Variants in PPP6R2 observed in about 807,000 individuals in gnomAD.
The protein encoded by PPP6R2 is serine/threonine-protein phosphatase 6 regulatory subunit 2.
In PPP6R2, 62 loss-of-function variants were observed where a neutral mutation model predicts 100.2. The observed-to-expected ratio is 0.62, with a 90% CI of 0.50 to 0.76. PPP6R2 has a LOEUF of 0.76. Among genes scored for constraint, PPP6R2 ranks in the 30% least tolerant of loss-of-function variants. The pLI, the probability that PPP6R2 is intolerant of heterozygous loss-of-function variation, is 0.00. For missense variants in PPP6R2, 1,142 were observed against 1,276.3 expected, an observed-to-expected ratio of 0.89 and a Z score of 1.60; for synonymous variants, 525 against 514.7, an observed-to-expected ratio of 1.02 and a Z score of -0.27.
At chr22:50,413,271 A>G (rs925484161) in intron 4 of PPP6R2, among the ~76,000 whole-genome samples, 1 of 151,922 alleles carries the variant, frequency 6.6e-6, no homozygotes, top group Admixed American at 6.6e-5. Context: ...CCAGATAAGT[A>G]TTTTTTTTCA....
chr22:50,395,135 A>G (rs1055414337), intron 3 of PPP6R2, among the ~76,000 whole-genome samples: 1 of 152,196 alleles, frequency 6.6e-6, no homozygotes, highest in African/African-American at 2.4e-5. Flanking sequence ...CAGGAGAGAT[A>G]TGCAGTATCT....
At chr22:50,420,434 C>CA (rs371261548) in intron 8 of PPP6R2, among the ~76,000 whole-genome samples, 1 of 152,304 alleles carries the variant, frequency 6.6e-6, no homozygotes, top group East Asian at 1.9e-4. Context: ...TGGGCAGAGA[C>CA]AGAGGAGTCA....
At chr22:50,398,577 G>A (rs1005791970) in intron 3 of PPP6R2, among the ~76,000 whole-genome samples, 8 of 148,560 alleles carry the variant, frequency 5.4e-5, no homozygotes, top group Admixed American at 2.7e-4. Flanking sequence ...GTGCAGTGGC[G>A]CGATCTTGGC....
intron 1 of PPP6R2, among the ~76,000 whole-genome samples, chr22:50,371,394 G>T (rs1173880556): frequency 1.3e-5 from 2 of 152,014 alleles, no homozygotes; most frequent in Admixed American, 6.6e-5. Flanking sequence ...GCTGAGGTTG[G>T]AAATGGAGCA....
At chr22:50,365,537 G>A (rs886838468) in intron 1 of PPP6R2, among the ~76,000 whole-genome samples, 2 of 151,774 alleles carry the variant, frequency 1.3e-5, no homozygotes, top group Non-Finnish European at 2.9e-5. Flanking sequence ...AAATTAGCCC[G>A]GCGTGGTGGC....
At position 50,400,578 on chromosome 22, in the gene PPP6R2, A is replaced by G. The variant is rs147653794; in HGVS notation, c.228-6111A>G. 4.4e-3 allele frequency among the ~76,000 whole-genome samples: 677 copies of G among 152,246 alleles called. 8 individuals carry two copies. Among genetic ancestry groups the G allele is most frequent in the African/African-American group, 0.015 (619 of 41,528 alleles). ...CTTTTCTAAGCCCTATTGTTTCTCA[A>G]TTTCCCAGTAATGTGGAATTATTCC... On this transcript the variant is annotated intron_variant, in intron 3 of 23. Transcript: ENST00000612753.
intron 1 of PPP6R2, among the ~76,000 whole-genome samples, chr22:50,360,968 T>A (rs147244337): frequency 2.6e-4 from 40 of 152,374 alleles, no homozygotes; most frequent in African/African-American, 9.4e-4. Flanking sequence ...TCTGGGCTAC[T>A]GTGGACAGTC....
intron 19 of PPP6R2, among the ~76,000 whole-genome samples, chr22:50,438,993 C>CG (rs977581355): frequency 3.3e-5 from 5 of 152,336 alleles, no homozygotes; most frequent in Admixed American, 1.3e-4. Context: ...CACTCAGCCA[C>CG]GTTGCCAAGG....
chr22:50,333,065 G>A, the PPP6R2 span, among the ~76,000 whole-genome samples: 3 of 152,158 alleles, frequency 2.0e-5, no homozygotes, highest in Admixed American at 6.5e-5. Context: ...CCTAAGCCCA[G>A]GAGGTGGAGA....
chr22:50,373,607 A>T (rs904502372), intron 2 of PPP6R2, among the ~76,000 whole-genome samples: 1 of 152,002 alleles, frequency 6.6e-6, no homozygotes, highest in Non-Finnish European at 1.5e-5. Flanking sequence ...GCTGGAGTGC[A>T]GTGGTGTGAT....
At chr22:50,435,313 A>T (rs1237628674) in intron 13 of PPP6R2, among the ~76,000 whole-genome samples, 1 of 152,210 alleles carries the variant, frequency 6.6e-6, no homozygotes, top group Non-Finnish European at 1.5e-5. Flanking sequence ...GCCAGGCGTC[A>T]GCGTGTGGCA....
chr22:50,432,503 C>T (rs553935021), intron 12 of PPP6R2, among the ~76,000 whole-genome samples, 174 bp downstream of exon 12: 7 of 152,096 alleles, frequency 4.6e-5, no homozygotes, highest in African/African-American at 1.2e-4. Context: ...TTCTACTGGG[C>T]GGACAGCTGC....
intron 1 of PPP6R2, among the ~76,000 whole-genome samples, chr22:50,358,115 TTA>T (rs2046998499): frequency 6.7e-6 from 1 of 149,220 alleles, no homozygotes. Context: ...CCTGGATAAT[TTA>T]AAAAAAAAAA....
intron 6 of PPP6R2, among the ~76,000 whole-genome samples, 174 bp downstream of exon 6, chr22:50,416,331 TTTC>T (rs910327424): frequency 3.9e-5 from 6 of 152,006 alleles, no homozygotes; most frequent in Non-Finnish European, 7.4e-5. Flanking sequence ...GGATTTTTTT[TTTC>T]TTTTTTTTTT....
At chr22:50,418,824 C>T in intron 6 of PPP6R2, 43 bp from the exon 7 acceptor site, 2 of 1,512,896 alleles carry the variant, frequency 1.3e-6, no homozygotes, top group Non-Finnish European at 1.8e-6. Flanking sequence ...CCTGCTGTTT[C>T]TTCTCCACAC....
At chr22:50,338,522 GC>G (rs1753399491), upstream of PPP6R2, among the ~76,000 whole-genome samples, 1 of 137,078 alleles carries the variant, frequency 7.3e-6, no homozygotes, top group Non-Finnish European at 1.6e-5. Flanking sequence ...GTGTGTGTGT[GC>G]GGTGTGTGTG....
rs1356391942 is a variant in PPP6R2, at chr22:50,433,972, G to A, written c.1401-994G>A. Among the ~76,000 whole-genome samples the A allele has an allele frequency of 1.2e-4, 5 of 40,680 alleles. 1 individual carries two copies. The highest frequency in any genetic ancestry group is 2.3e-4 in the Admixed American group (1 of 4,366). 26.7% of individuals were successfully genotyped at this position (40,680 alleles called of 152,430 possible). A position where few individuals can be genotyped will look rare whatever the true frequency, so the allele number is the denominator to read the frequency against. Reference sequence around the variant, plus strand: ...CTGGAGGTGAACCTGGAGGAGGGCCGGGGGCATGGATGCTGGGCAGGGGCC... The same window carrying A: ...CTGGAGGTGAACCTGGAGGAGGGCCAGGGGCATGGATGCTGGGCAGGGGCC... On this transcript the variant is annotated intron_variant, in intron 12 of 23. Transcript: ENST00000612753.
intron 10 of PPP6R2, among the ~76,000 whole-genome samples, chr22:50,426,315 C>CT (rs913749798): frequency 3.9e-5 from 6 of 152,300 alleles, no homozygotes; most frequent in African/African-American, 1.4e-4. Context: ...ATCCAATTAT[C>CT]TTTTTTTCTC....
intron 2 of PPP6R2, among the ~76,000 whole-genome samples, chr22:50,383,643 C>A (rs58398758): frequency 6.6e-6 from 1 of 152,148 alleles, no homozygotes; most frequent in East Asian, 1.9e-4. Context: ...TCCTCAGCTT[C>A]CTTCTTTCTT....
Sources: allele counts gnomAD v4.1 joint callset (sites outside exome capture counted in the v4.1 genomes callset), GRCh38; gene constraint gnomAD v4.1.1; transcripts MANE v1.5; gene names NCBI Gene and HGNC (gene_info 2026-07-23, HGNC 2026-07-21).